MAP3K5: variants seen among roughly 807,000 people sequenced by gnomAD.
The protein encoded by MAP3K5 is ASK-1.
A neutral mutation model predicts 158.7 loss-of-function variants in MAP3K5; 56 were observed. That is an observed-to-expected ratio of 0.35 (90% CI 0.28 to 0.44). The LOEUF (loss-of-function observed/expected upper bound fraction) is 0.44. Among genes scored for constraint, MAP3K5 ranks in the 20% least tolerant of loss-of-function variants. MAP3K5 has a pLI of 1.00. For missense variants in MAP3K5, 1,294 were observed against 1,674.8 expected (o/e 0.77, Z 3.97); for synonymous variants, 579 against 601.7 (o/e 0.96, Z 0.55).
At chr6:136,612,420 T>A (rs1327353181) in intron 17 of MAP3K5, among the ~76,000 whole-genome samples, 1 of 152,174 alleles carries the variant, frequency 6.6e-6, no homozygotes, top group East Asian at 1.9e-4. Flanking sequence ...ATAATTAAAT[T>A]ACGATTTTCA....
chr6:136,760,354 T>C (rs1013098316), intron 1 of MAP3K5, among the ~76,000 whole-genome samples: 1 of 152,190 alleles, frequency 6.6e-6, no homozygotes, highest in African/African-American at 2.4e-5. Flanking sequence ...GCACATGCCA[T>C]CTTATATATT....
chr6:136,569,414 A>G (rs1340600625), intron 25 of MAP3K5, among the ~76,000 whole-genome samples: 2 of 152,200 alleles, frequency 1.3e-5, no homozygotes, highest in African/African-American at 4.8e-5. Context: ...CTTCATCTAC[A>G]TAATAAGAAC....
intron 17 of MAP3K5, among the ~76,000 whole-genome samples, chr6:136,612,653 CTTATAA>C (rs1428501938): frequency 6.6e-6 from 1 of 152,022 alleles, no homozygotes; most frequent in Non-Finnish European, 1.5e-5. Flanking sequence ...GAATCTATAC[CTTATAA>C]TTATAGTTAA....
chr6:136,614,734 A>G (rs1228057098), intron 15 of MAP3K5, among the ~76,000 whole-genome samples: 1 of 152,226 alleles, frequency 6.6e-6, no homozygotes, highest in African/African-American at 2.4e-5. Context: ...TATTGACTAT[A>G]AAACTTTACT....
At chr6:136,730,721 C>CAAA (rs377188561) in intron 1 of MAP3K5, among the ~76,000 whole-genome samples, 24 of 87,272 alleles carry the variant, frequency 2.8e-4, no homozygotes, top group Middle Eastern at 6.2e-3. Flanking sequence ...AACTCTGCCT[C>CAAA]AAAAAAAAAA....
intron 1 of MAP3K5, among the ~76,000 whole-genome samples, chr6:136,721,365 A>G (rs1288345680): frequency 6.6e-6 from 1 of 152,168 alleles, no homozygotes; most frequent in Non-Finnish European, 1.5e-5. Context: ...AGTCCCTGGT[A>G]AGTATAATCA....
chr6:136,658,999 T>C lies in MAP3K5; in HGVS notation c.1526+220A>G, dbSNP rs920797245. On this transcript the variant is annotated intron_variant, in intron 9 of 29. Transcript: ENST00000359015. ...ATCTGGGCCAGTGGGTTGGTCAATG[T>C]GCAGGAGAGGCTAAGTCAGGAACCT... is the stretch of plus-strand genomic sequence containing the variant. Among the ~76,000 whole-genome samples the C allele has an allele frequency of 2.0e-5, 3 of 152,244 alleles. No homozygotes were observed. The South Asian group carries it at 6.2e-4, about 31-fold the overall frequency.
At chr6:136,585,502 T>C (rs1446309568) in intron 23 of MAP3K5, among the ~76,000 whole-genome samples, 1 of 146,460 alleles carries the variant, frequency 6.8e-6, no homozygotes, top group Non-Finnish European at 1.5e-5. Flanking sequence ...TATTTATTTA[T>C]TTATTTATTT....
intron 7 of MAP3K5, among the ~76,000 whole-genome samples, chr6:136,687,122 C>T (rs926086961): frequency 1.3e-5 from 2 of 152,152 alleles, no homozygotes; most frequent in African/African-American, 4.8e-5. Context: ...TACCACCATA[C>T]ATCTCCGACC....
In MAP3K5 at chr6:136,790,017, A is replaced by T. The variant is rs7452800; in HGVS notation, c.448+1693T>A. ...CAAGCACAACCTTTTAGGGTCAGCCACCTGAAGTGGAATCCTGCATTGGCC... is the reference window on the plus strand; with the variant it reads ...CAAGCACAACCTTTTAGGGTCAGCCTCCTGAAGTGGAATCCTGCATTGGCC... On this transcript the variant is annotated intron_variant, in intron 1 of 29. Coordinates refer to ENST00000359015, the MANE Select transcript of MAP3K5 (RefSeq NM_005923.4). 5.1e-3 allele frequency among the ~76,000 whole-genome samples: 771 copies of T among 152,268 alleles called. 16 individuals carry two copies. In the South Asian group the frequency reaches 0.056, roughly 11 times the overall value.
At chr6:136,766,829 T>C (rs35843049) in intron 1 of MAP3K5, among the ~76,000 whole-genome samples, 12,206 of 152,270 alleles carry the variant, frequency 0.08, 641 homozygotes, top group Admixed American at 0.12. Context: ...AGAAAGAGCA[T>C]GAACTAGTAA....
intron 14 of MAP3K5, among the ~76,000 whole-genome samples, chr6:136,628,795 T>C (rs375241943): frequency 2.7e-4 from 41 of 152,264 alleles, no homozygotes; most frequent in East Asian, 2.1e-3. Flanking sequence ...CTGTGGGTAA[T>C]TGCTGCTTTG....
chr6:136,731,361 A>G (rs142634362), intron 1 of MAP3K5, among the ~76,000 whole-genome samples: 2 of 152,344 alleles, frequency 1.3e-5, no homozygotes, highest in African/African-American at 4.8e-5. Context: ...TCACAGTTCT[A>G]GAGGCCAGAA....
intron 15 of MAP3K5, 72 bp from the exon 16 acceptor site, chr6:136,614,358 A>T (rs957027730): frequency 1.3e-6 from 2 of 1,539,030 alleles, no homozygotes. Flanking sequence ...AACAATACAA[A>T]TGGAAAATGT....
intron 18 of MAP3K5, among the ~76,000 whole-genome samples, chr6:136,610,693 TA>T (rs112503301): frequency 0.019 from 2,367 of 126,904 alleles, 44 homozygotes; most frequent in African/African-American, 0.051. Flanking sequence ...AGTTGAGAAT[TA>T]AAAAAAAAAA....
At position 136,601,702 on chromosome 6, in the gene MAP3K5, A is replaced by G. The variant is rs1583252927; in HGVS notation, c.2857+100T>C. ...CTAATATTTATACCAATTTCCAGTG[A>G]TATCTGTAAACAGGTTAGTTTACTT... On this transcript the variant is annotated intron_variant, in intron 20 of 29. Transcript: ENST00000359015. The G allele has an allele frequency of 4.9e-6, 5 of 1,010,326 alleles. No homozygotes were observed. The South Asian group carries it at 8.2e-5, about 17-fold the overall frequency. The allele number at this position is 1,010,326 out of a possible 1,614,324, so 62.6% of individuals were successfully genotyped here.
At chr6:136,637,150 T>A in intron 14 of MAP3K5, 175 bp downstream of exon 14, 1 of 1,393,260 alleles carries the variant, frequency 7.2e-7, no homozygotes, top group East Asian at 2.5e-5. Flanking sequence ...AATTCTCCAA[T>A]GTTTACTTTT....
intron 7 of MAP3K5, among the ~76,000 whole-genome samples, chr6:136,673,205 A>G (rs1300752846): frequency 6.6e-6 from 1 of 152,154 alleles, no homozygotes. Flanking sequence ...GGTCAATGAA[A>G]ATGAAAACCC....
chr6:136,560,674 G>T (rs749393539), intron 28 of MAP3K5, among the ~76,000 whole-genome samples: 8 of 152,068 alleles, frequency 5.3e-5, no homozygotes, highest in Admixed American at 6.6e-5. Flanking sequence ...CAGGCCTGGC[G>T]TGGTGGTTCA....
Sources: gnomAD v4.1 joint callset for allele counts (sites outside exome capture counted in the v4.1 genomes callset) on GRCh38, gnomAD v4.1.1 for gene constraint, MANE v1.5 for transcripts, NCBI Gene and HGNC (gene_info 2026-07-23, HGNC 2026-07-21) for gene names.